Variants in NFIB observed in about 807,000 individuals in gnomAD.
NFIB encodes the protein nuclear factor 1 B-type.
NFIB carries 11 observed loss-of-function variants against 61.5 expected under a neutral mutation model. That is an observed-to-expected ratio of 0.18 (90% CI 0.11 to 0.30). The LOEUF is 0.30. Among genes scored for constraint, NFIB ranks in the 10% least tolerant of loss-of-function variants. The pLI is 1.00. For synonymous variants in NFIB, 260 were observed against 216.5 expected (o/e 1.20, Z -1.76); for missense variants, 471 against 608.9 (o/e 0.77, Z 2.38).
At chr9:14,343,495 A>T (rs1564019976) in intron 1 of NFIB, among the ~76,000 whole-genome samples, 1 of 152,030 alleles carries the variant, frequency 6.6e-6, no homozygotes, top group Non-Finnish European at 1.5e-5. Flanking sequence ...GGGTTTATTA[A>T]AAAAAAGTGT....
chr9:14,330,839 C>A (rs775816795), intron 1 of NFIB, among the ~76,000 whole-genome samples: 1 of 152,054 alleles, frequency 6.6e-6, no homozygotes, highest in Non-Finnish European at 1.5e-5. Flanking sequence ...CAATCAGGCT[C>A]CAGGCTCATT....
At chr9:14,244,665 C>A (rs925881083) in intron 2 of NFIB, among the ~76,000 whole-genome samples, 2 of 152,172 alleles carry the variant, frequency 1.3e-5, no homozygotes, top group African/African-American at 4.8e-5. Flanking sequence ...AGACAAATTA[C>A]TGACCTCTCT....
chr9:14,396,918 G>C (rs561667043), intron 1 of NFIB, among the ~76,000 whole-genome samples: 27 of 152,280 alleles, frequency 1.8e-4, no homozygotes, highest in African/African-American at 6.3e-4. Flanking sequence ...TGGGGATGCA[G>C]ATGGATTTGG....
rs147385813 is a variant in NFIB, at chr9:14,126,244, T to A, written c.926-478A>T. ...TTCACTTGATTAGCAAAAAGTACAT[T>A]CCTTAATTTACTCCTTCTGCAAACG... On this transcript the variant is annotated intron_variant, in intron 6 of 10. Coordinates refer to ENST00000380953, the MANE Select transcript of NFIB (RefSeq NM_001190737.2). Among the ~76,000 whole-genome samples the A allele has an allele frequency of 3.3e-3, 500 of 152,334 alleles. 4 individuals carry two copies. Among genetic ancestry groups the A allele is most frequent in the African/African-American group, 0.012 (483 of 41,568 alleles).
chr9:14,260,349 G>A (rs116397955), intron 2 of NFIB, among the ~76,000 whole-genome samples: 1,705 of 152,240 alleles, frequency 0.011, 47 homozygotes, highest in African/African-American at 0.038. Context: ...ACTCACCAAG[G>A]ACACTATGAA....
intron 2 of NFIB, among the ~76,000 whole-genome samples, chr9:14,224,062 C>T (rs10733276): frequency 1 from 151,712 of 152,330 alleles, 75,548 homozygotes; most frequent in Middle Eastern, 1. Context: ...ATAAAACAAA[C>T]AGTAAAATGT....
chr9:14,322,000 G>T, intron 1 of NFIB: 1 of 1,229,112 alleles, frequency 8.1e-7, no homozygotes. Context: ...ACCCTGGGCC[G>T]CTGACTTGAC....
At chr9:14,397,514 A>G (rs2061698666) in intron 1 of NFIB, among the ~76,000 whole-genome samples, 1 of 151,974 alleles carries the variant, frequency 6.6e-6, no homozygotes, top group African/African-American at 2.4e-5. Context: ...GTAAAGAATA[A>G]AAGTATCCCT....
intron 6 of NFIB, among the ~76,000 whole-genome samples, chr9:14,142,173 G>T (rs939422824): frequency 2.6e-5 from 4 of 152,114 alleles, no homozygotes; most frequent in Non-Finnish European, 4.4e-5. Context: ...ATCTTGAATT[G>T]TAACTCCCAC....
chr9:14,219,381 TAAAAAAA>T (rs751279935), intron 2 of NFIB, among the ~76,000 whole-genome samples: 63 of 73,518 alleles, frequency 8.6e-4, no homozygotes, highest in South Asian at 5.9e-3. Flanking sequence ...AGCACTAGGG[TAAAAAAA>T]AAAAAAAAAA....
At chr9:14,187,868 A>G (rs2047550549) in intron 2 of NFIB, among the ~76,000 whole-genome samples, 1 of 152,186 alleles carries the variant, frequency 6.6e-6, no homozygotes, top group African/African-American at 2.4e-5. Flanking sequence ...GCAAATATGA[A>G]ACCCTGCACA....
chr9:14,429,261 C>T, the NFIB span, among the ~76,000 whole-genome samples: 1 of 152,182 alleles, frequency 6.6e-6, no homozygotes, highest in Admixed American at 6.5e-5. Context: ...TACTGGTCAT[C>T]AGGATTCACA....
chr9:14,193,365 T>G (rs2048155054), intron 2 of NFIB, among the ~76,000 whole-genome samples: 1 of 152,162 alleles, frequency 6.6e-6, no homozygotes, highest in African/African-American at 2.4e-5. Context: ...TATGATACAT[T>G]TACTTATATT....
intron 2 of NFIB, among the ~76,000 whole-genome samples, chr9:14,218,571 T>C (rs1356806953): frequency 6.6e-6 from 1 of 152,228 alleles, no homozygotes; most frequent in Admixed American, 6.5e-5. Flanking sequence ...ACTATAGATG[T>C]CACCCAATCA....
chr9:14,459,994 T>G, the NFIB span, among the ~76,000 whole-genome samples: 3 of 152,084 alleles, frequency 2.0e-5, no homozygotes, highest in Non-Finnish European at 4.4e-5. Flanking sequence ...GAAATACCAT[T>G]TGACCCAGCC....
chr9:14,175,787 A>G (rs2046122312), intron 3 of NFIB, among the ~76,000 whole-genome samples: 2 of 152,222 alleles, frequency 1.3e-5, no homozygotes, highest in Non-Finnish European at 2.9e-5. Flanking sequence ...CCAAAAGTTT[A>G]TATCATAAAA....
At chr9:14,291,738 G>C (rs1008422988) in intron 2 of NFIB, among the ~76,000 whole-genome samples, 13 of 151,580 alleles carry the variant, frequency 8.6e-5, no homozygotes, top group African/African-American at 2.9e-4. Context: ...ACACCCAAAA[G>C]CAGAACTTCT....
intron 2 of NFIB, among the ~76,000 whole-genome samples, chr9:14,265,562 C>T (rs1468722606): frequency 6.6e-6 from 1 of 152,158 alleles, no homozygotes; most frequent in Non-Finnish European, 1.5e-5. Context: ...TCCCAGCCTC[C>T]AGTGAGGAAA....
At chr9:14,354,437 A>G (rs953605729) in intron 1 of NFIB, among the ~76,000 whole-genome samples, 1 of 152,236 alleles carries the variant, frequency 6.6e-6, no homozygotes, top group South Asian at 2.1e-4. Flanking sequence ...ATATGCTTCA[A>G]TAGTTCCAGG....
Sources: allele counts gnomAD v4.1 joint callset (sites outside exome capture counted in the v4.1 genomes callset), GRCh38; gene constraint gnomAD v4.1.1; transcripts MANE v1.5; gene names NCBI Gene and HGNC (gene_info 2026-07-23, HGNC 2026-07-21).